Variants in PHF21B observed in about 807,000 individuals in gnomAD.
PHF21B encodes the protein PHD finger protein 21B, also known as PHD finger protein 4.
A neutral mutation model predicts 62.2 loss-of-function variants in PHF21B; 22 were observed. The observed-to-expected ratio is 0.35, with a 90% CI of 0.25 to 0.51. The LOEUF (loss-of-function observed/expected upper bound fraction) is 0.51. Among genes scored for constraint, PHF21B ranks in the 20% least tolerant of loss-of-function variants. The pLI is 0.97. For synonymous variants in PHF21B, 341 were observed against 314.7 expected (o/e 1.08, Z -0.88); for missense variants, 701 against 707.9 (o/e 0.99, Z 0.11).
chr22:44,920,644 A>C (rs1455688110), intron 2 of PHF21B, among the ~76,000 whole-genome samples, 154 bp from the exon 3 acceptor site: 2 of 152,228 alleles, frequency 1.3e-5, no homozygotes, highest in East Asian at 3.8e-4. Flanking sequence ...TCACAATAGT[A>C]ATCGATATTC....
At chr22:44,964,249 T>A (rs2072480406) in intron 2 of PHF21B, among the ~76,000 whole-genome samples, 1 of 152,256 alleles carries the variant, frequency 6.6e-6, no homozygotes, top group Admixed American at 6.5e-5. Flanking sequence ...CCTGCATCAC[T>A]GTTTAACCAT....
At chr22:44,950,348 G>C (rs1157862622) in intron 2 of PHF21B, among the ~76,000 whole-genome samples, 2 of 152,224 alleles carry the variant, frequency 1.3e-5, no homozygotes, top group East Asian at 1.9e-4. Context: ...AATTCATCTA[G>C]TTATGGTGCT....
At chr22:44,984,259 A>G in intron 2 of PHF21B, among the ~76,000 whole-genome samples, 1 of 149,360 alleles carries the variant, frequency 6.7e-6, no homozygotes. Context: ...CACCATCATC[A>G]TCACCATCAC....
chr22:44,885,553 C>G, intron 11 of PHF21B, 24 bp from the exon 12 acceptor site: 1 of 1,564,084 alleles, frequency 6.4e-7, no homozygotes. Flanking sequence ...GGCCAGGTCC[C>G]TGGAGAGGGG....
At chr22:44,892,554 T>A (rs2070985249) in intron 7 of PHF21B, among the ~76,000 whole-genome samples, 1 of 152,186 alleles carries the variant, frequency 6.6e-6, no homozygotes, top group African/African-American at 2.4e-5. Context: ...TTCCTCCAGA[T>A]CTCACAGAGC....
At chr22:44,957,089 G>A (rs11704116) in intron 2 of PHF21B, among the ~76,000 whole-genome samples, 29,265 of 151,560 alleles carry the variant, frequency 0.19, 3,023 homozygotes, top group Middle Eastern at 0.32. Context: ...CCTCAGCACC[G>A]CCCCCTCCCT....
At chr22:44,884,467 T>TCAC (rs1341191926) in intron 12 of PHF21B, among the ~76,000 whole-genome samples, 3 of 113,892 alleles carry the variant, frequency 2.6e-5, no homozygotes, top group Non-Finnish European at 5.8e-5. Flanking sequence ...ATGAGCACCA[T>TCAC]CACCACCATC....
chr22:44,884,245 TCAC>T (rs1237645179), intron 12 of PHF21B, among the ~76,000 whole-genome samples: 23 of 129,240 alleles, frequency 1.8e-4, no homozygotes, highest in African/African-American at 6.1e-4. Flanking sequence ...ATCAGCACCA[TCAC>T]CACCATCATC....
At position 44,953,177 on chromosome 22, in the gene PHF21B, A is replaced by C. The variant is rs1226211343; in HGVS notation, c.121-32687T>G. Among the ~76,000 whole-genome samples the C allele has an allele frequency of 2.0e-5, 3 of 152,184 alleles. No individual in the cohort carries two copies. The East Asian group carries it at 5.8e-4, about 29-fold the overall frequency. ...CACAGGACTCTTCTCTCGGACACTG[A>C]GGCCCGCAGCTGGGGCAGAAATGGC... is the stretch of plus-strand genomic sequence containing the variant. On this transcript the variant is annotated intron_variant, in intron 2 of 12. Transcript: ENST00000313237.
At chr22:44,995,311 G>C (rs2073102127) in intron 2 of PHF21B, among the ~76,000 whole-genome samples, 1 of 152,112 alleles carries the variant, frequency 6.6e-6, no homozygotes, top group Non-Finnish European at 1.5e-5. Context: ...CTTATAATTA[G>C]ATCCACAATA....
chr22:44,903,082 G>C (rs1049137280), intron 5 of PHF21B, among the ~76,000 whole-genome samples: 3 of 152,280 alleles, frequency 2.0e-5, no homozygotes, highest in Admixed American at 2.0e-4. Context: ...CTTACAGATT[G>C]CAGGTGCAAT....
At chr22:44,918,050 A>G (rs2071470122) in intron 3 of PHF21B, among the ~76,000 whole-genome samples, 1 of 152,228 alleles carries the variant, frequency 6.6e-6, no homozygotes, top group East Asian at 1.9e-4. Flanking sequence ...TTGGCACCAG[A>G]GGTCAGGGCC....
intron 2 of PHF21B, among the ~76,000 whole-genome samples, chr22:44,969,548 C>T (rs1447845972): frequency 1.3e-5 from 2 of 152,096 alleles, no homozygotes; most frequent in South Asian, 2.1e-4. Flanking sequence ...CACCTGTAAT[C>T]CCAGCTACTC....
At chr22:44,998,101 T>G (rs1601694987) in intron 2 of PHF21B, among the ~76,000 whole-genome samples, 1 of 152,222 alleles carries the variant, frequency 6.6e-6, no homozygotes, top group African/African-American at 2.4e-5. Flanking sequence ...GCAGCCAATC[T>G]GATTTAGTAA....
At chr22:44,884,633 T>C (rs1433051507) in intron 12 of PHF21B, among the ~76,000 whole-genome samples, 2 of 134,724 alleles carry the variant, frequency 1.5e-5, no homozygotes, top group African/African-American at 5.8e-5. Flanking sequence ...TAATCACCAT[T>C]ATCATCACCA....
At chr22:44,913,249 C>T (rs2071376404) in intron 5 of PHF21B, among the ~76,000 whole-genome samples, 1 of 152,220 alleles carries the variant, frequency 6.6e-6, no homozygotes, top group African/African-American at 2.4e-5. Flanking sequence ...GCCTGGGGCA[C>T]AGCTACTTCT....
intron 2 of PHF21B, among the ~76,000 whole-genome samples, chr22:44,936,884 T>TC (rs2071860433): frequency 1.3e-5 from 2 of 149,400 alleles, no homozygotes; most frequent in African/African-American, 5.0e-5. Context: ...TTTTTTTTTT[T>TC]TTCCTGAGAT....
intron 3 of PHF21B, among the ~76,000 whole-genome samples, chr22:44,919,079 A>C (rs1482940529): frequency 6.6e-6 from 1 of 151,646 alleles, no homozygotes; most frequent in Non-Finnish European, 1.5e-5. Flanking sequence ...GCCTAACTCT[A>C]CCTCAGCCTG....
chr22:44,999,309 A>G (rs1409895578), intron 2 of PHF21B, among the ~76,000 whole-genome samples: 2 of 152,186 alleles, frequency 1.3e-5, no homozygotes, highest in African/African-American at 4.8e-5. Context: ...AATAATAATA[A>G]AAAGGAGAGC....
Sources: allele counts gnomAD v4.1 joint callset (sites outside exome capture counted in the v4.1 genomes callset), GRCh38; gene constraint gnomAD v4.1.1; transcripts MANE v1.5; gene names NCBI Gene and HGNC (gene_info 2026-07-23, HGNC 2026-07-21).